The following FUT9 variants were observed in gnomAD, a reference collection of about 807,000 sequenced individuals.
FUT9 encodes fucosyltransferase 9, also known as 4-galactosyl-N-acetylglucosaminide 3-alpha-L-fucosyltransferase 9.
FUT9 carries 15 observed loss-of-function variants against 29.7 expected under a neutral mutation model. That is an observed-to-expected ratio of 0.51 (90% CI 0.34 to 0.78). The LOEUF is 0.78. Ranked by LOEUF, FUT9 falls within the 30% of genes least tolerant of loss-of-function variation. The pLI is 0.01. For synonymous variants in FUT9, 169 were observed against 153.7 expected, an observed-to-expected ratio of 1.10 and a Z score of -0.74; for missense variants, 319 against 425.4, an observed-to-expected ratio of 0.75 and a Z score of 2.20.
intron 2 of FUT9, among the ~76,000 whole-genome samples, chr6:96,144,120 T>G (rs1169192255): frequency 6.6e-6 from 1 of 152,258 alleles, no homozygotes; most frequent in Non-Finnish European, 1.5e-5. Flanking sequence ...AGGCTTCAGC[T>G]GCACACACTC....
intron 1 of FUT9, among the ~76,000 whole-genome samples, chr6:96,088,530 TTGTGTGTGTGTGTGTG>T (rs35995545): frequency 2.7e-5 from 4 of 148,706 alleles, no homozygotes; most frequent in Admixed American, 6.7e-5. Context: ...TTTGTTTGTT[TTGTGTGTGTGTGTGTG>T]TGTGTGTGTG....
chr6:96,188,075 C>T (rs1156778098), intron 2 of FUT9, among the ~76,000 whole-genome samples: 1 of 152,098 alleles, frequency 6.6e-6, no homozygotes, highest in African/African-American at 2.4e-5. Flanking sequence ...TGGCACGTGA[C>T]CACTGTTCCT....
At chr6:96,044,749 TC>T (rs1332585126) in intron 1 of FUT9, among the ~76,000 whole-genome samples, 1 of 152,196 alleles carries the variant, frequency 6.6e-6, no homozygotes, top group Non-Finnish European at 1.5e-5. Flanking sequence ...TCTTTTTAAT[TC>T]CCTAATTATC....
chr6:96,049,132 A>C (rs908661158), intron 1 of FUT9, among the ~76,000 whole-genome samples: 1 of 152,202 alleles, frequency 6.6e-6, no homozygotes, highest in Non-Finnish European at 1.5e-5. Flanking sequence ...ATCCTCTTGA[A>C]GTAAGGGTTT....
chr6:96,027,683 C>T (rs1232218077), intron 1 of FUT9, among the ~76,000 whole-genome samples: 1 of 151,606 alleles, frequency 6.6e-6, no homozygotes, highest in Non-Finnish European at 1.5e-5. Flanking sequence ...GACAGCTGCC[C>T]TTTCCTTCTG....
chr6:96,026,830 T>G (rs1256641030), intron 1 of FUT9, among the ~76,000 whole-genome samples: 1 of 151,668 alleles, frequency 6.6e-6, no homozygotes, highest in East Asian at 1.9e-4. Context: ...TGGCCTTATA[T>G]ATTTATGTTT....
At chr6:96,174,624 G>C (rs1013976937) in intron 2 of FUT9, among the ~76,000 whole-genome samples, 1 of 151,968 alleles carries the variant, frequency 6.6e-6, no homozygotes, top group Non-Finnish European at 1.5e-5. Context: ...CTATTACCAC[G>C]ATAACAAAAT....
chr6:96,184,565 A>G (rs1413334866), intron 2 of FUT9, among the ~76,000 whole-genome samples: 5 of 151,784 alleles, frequency 3.3e-5, no homozygotes, highest in Non-Finnish European at 5.9e-5. Context: ...TGTGCTCTTT[A>G]GATTTTTCAG....
chr6:96,129,237 C>T (rs889390426), intron 2 of FUT9, among the ~76,000 whole-genome samples: 3 of 145,830 alleles, frequency 2.1e-5, no homozygotes, highest in Non-Finnish European at 4.5e-5. Context: ...TGCACTCCAG[C>T]CTGGGCGAGA....
intron 2 of FUT9, among the ~76,000 whole-genome samples, chr6:96,160,628 A>G (rs1308866812): frequency 6.6e-6 from 1 of 152,206 alleles, no homozygotes; most frequent in Non-Finnish European, 1.5e-5. Context: ...CAAATAAGTC[A>G]AAAAATGTGG....
chr6:96,106,244 T>TTCCTTCCTTCCTTCCTTCCTTCCG (rs1771683557), intron 1 of FUT9, among the ~76,000 whole-genome samples: 7 of 152,038 alleles, frequency 4.6e-5, no homozygotes, highest in Non-Finnish European at 1.0e-4. Flanking sequence ...CCTTCCTTCC[T>TTCCTTCCTTCCTTCCTTCCTTCCG]TCATCTTCTT....
chr6:96,198,265 A>ACCCCCCCC (rs1773663539), intron 2 of FUT9, among the ~76,000 whole-genome samples: 2 of 56,578 alleles, frequency 3.5e-5, no homozygotes, highest in Non-Finnish European at 7.5e-5. Context: ...TATCCCTCCC[A>ACCCCCCCC]CCTCCCCCCA....
chr6:96,028,480 T>C (rs570032542), intron 1 of FUT9, among the ~76,000 whole-genome samples: 5 of 151,790 alleles, frequency 3.3e-5, no homozygotes, highest in African/African-American at 9.6e-5. Context: ...TTTCTTAGTA[T>C]ATCTGAGACT....
chr6:96,175,788 G>C lies in FUT9; in HGVS notation c.-8-27360G>C, dbSNP rs184487143. Among the ~76,000 whole-genome samples the C allele has an allele frequency of 2.9e-3, 444 of 152,292 alleles. 2 individuals carry two copies. The highest frequency in any genetic ancestry group is 0.01 in the African/African-American group (430 of 41,564). On this transcript the variant is annotated intron_variant, in intron 2 of 2. Transcript: ENST00000302103. ...CTATGTGGGCCATTCAGTCTGTAATGGTTAATTTTAGATGTCAACTTAATG... is the reference window on the plus strand; with the variant it reads ...CTATGTGGGCCATTCAGTCTGTAATCGTTAATTTTAGATGTCAACTTAATG...
chr6:96,026,546 A>C (rs1770171910), intron 1 of FUT9, among the ~76,000 whole-genome samples: 1 of 151,726 alleles, frequency 6.6e-6, no homozygotes, highest in Admixed American at 6.6e-5. Flanking sequence ...ATTGTAAATC[A>C]AAATCATTAA....
chr6:96,024,766 T>C (rs1018339924), intron 1 of FUT9, among the ~76,000 whole-genome samples: 1 of 151,840 alleles, frequency 6.6e-6, no homozygotes, highest in African/African-American at 2.4e-5. Context: ...TCTTTGGGTC[T>C]CTTTCTCAAT....
At chr6:96,056,735 C>T (rs541712575) in intron 1 of FUT9, among the ~76,000 whole-genome samples, 4 of 151,772 alleles carry the variant, frequency 2.6e-5, no homozygotes, top group African/African-American at 9.7e-5. Flanking sequence ...CAAAGCGAGA[C>T]TCCATCTTTA....
rs1773759885 is a variant in FUT9, at chr6:96,203,176, A to G, written c.21A>G (p.Gly7=). ...AAATTATGACATCAACATCCAAAGG[A>G]ATTCTTCGCCCATTTTTAATTGTCT... MTSTSK[G]ILRPFLIVCI... The change falls in exon 3 of 3, where the codon GGA becomes GGG. Residue 7 remains glycine (G), a synonymous_variant. Coordinates refer to ENST00000302103, the MANE Select transcript of FUT9 (RefSeq NM_006581.4). The G allele has an allele frequency of 6.3e-7, 1 of 1,597,438 alleles. No homozygotes were observed. Among genetic ancestry groups the G allele is most frequent in the Non-Finnish European group, 8.6e-7 (1 of 1,167,526 alleles).
intron 2 of FUT9, among the ~76,000 whole-genome samples, chr6:96,164,297 C>T (rs1449764877): frequency 2.7e-5 from 3 of 110,426 alleles, no homozygotes; most frequent in South Asian, 3.0e-4. Context: ...TGCTCTCTTT[C>T]GCCCAGGCCG....
Sources: allele counts gnomAD v4.1 joint callset (sites outside exome capture counted in the v4.1 genomes callset), GRCh38; gene constraint gnomAD v4.1.1; transcripts MANE v1.5; gene names NCBI Gene and HGNC (gene_info 2026-07-23, HGNC 2026-07-21).